Variants in ABL1 observed in about 807,000 individuals in gnomAD.
The protein encoded by ABL1 is tyrosine-protein kinase ABL1.
A neutral mutation model predicts 94.7 loss-of-function variants in ABL1; 11 were observed. The ratio of observed to expected loss-of-function variants is 0.12; its 90% CI spans 0.07 to 0.19. The LOEUF (loss-of-function observed/expected upper bound fraction) is 0.19, where lower values mean the gene tolerates loss of function less well. Among genes scored for constraint, ABL1 ranks in the 10% least tolerant of loss-of-function variants. ABL1 has a pLI of 1.00. For synonymous variants in ABL1, 656 were observed against 622.4 expected (o/e 1.05, Z -0.80); for missense variants, 1,082 against 1,489.4 (o/e 0.73, Z 4.50).
intron 1 of ABL1, among the ~76,000 whole-genome samples, chr9:130,853,652 T>TG (rs1428843129): frequency 6.6e-6 from 1 of 151,662 alleles, no homozygotes. Flanking sequence ...TGAACTCAGG[T>TG]GATCCACCCA....
chr9:130,738,044 C>T (rs1831767845), intron 1 of ABL1, among the ~76,000 whole-genome samples: 3 of 152,042 alleles, frequency 2.0e-5, no homozygotes, highest in Non-Finnish European at 4.4e-5. Flanking sequence ...ATTGGTTAGG[C>T]TGGTCTCAAA....
chr9:130,714,729 G>A (rs1831415986), intron 1 of ABL1, among the ~76,000 whole-genome samples: 1 of 152,126 alleles, frequency 6.6e-6, no homozygotes, highest in Non-Finnish European at 1.5e-5. Flanking sequence ...ACTGTTCCAG[G>A]GCTTTAGTTT....
chr9:130,854,531 C>G (rs1588269063), intron 2 of ABL1, among the ~76,000 whole-genome samples: 1 of 152,032 alleles, frequency 6.6e-6, no homozygotes, highest in African/African-American at 2.4e-5. Context: ...CCTAAAATGT[C>G]TTATATTAGG....
intron 1 of ABL1, among the ~76,000 whole-genome samples, chr9:130,715,857 A>T (rs1003344340): frequency 6.6e-6 from 1 of 152,104 alleles, no homozygotes; most frequent in African/African-American, 2.4e-5. Flanking sequence ...TTTTCTTGTT[A>T]ATAGAGTACC....
chr9:130,753,773 G>A (rs558204777), intron 1 of ABL1, among the ~76,000 whole-genome samples: 5 of 151,870 alleles, frequency 3.3e-5, no homozygotes, highest in East Asian at 1.9e-4. Context: ...TCATAACCCC[G>A]GCACCTAGTA....
rs1360634829 is a variant in ABL1 at position 130,814,863 on chromosome 9, C to T, written c.137-39201C>T. Among the ~76,000 whole-genome samples the T allele has an allele frequency of 6.6e-6, 1 of 150,438 alleles. No individual in the cohort carries two copies. The highest frequency in any genetic ancestry group is 2.5e-5 in the African/African-American group (1 of 40,648). On this transcript the variant is annotated intron_variant, in intron 1 of 10. Coordinates refer to the ABL1 transcript ENST00000372348. The surrounding 1 kb of genome is among the most constrained non-coding windows in gnomAD (Gnocchi z 4.4). ...CTGCACTCCAGCCTGGGTGACAGAG[C>T]CAGACTCTGTCTCAAAAAAATAAAA... is the stretch of plus-strand genomic sequence containing the variant.
chr9:130,768,356 T>C (rs1380215339), intron 1 of ABL1, among the ~76,000 whole-genome samples: 4 of 152,324 alleles, frequency 2.6e-5, no homozygotes, highest in South Asian at 4.1e-4. Context: ...TCAGAGCGTA[T>C]GGAAGACTGT....
chr9:130,798,768 A>G (rs1352910852), intron 1 of ABL1, among the ~76,000 whole-genome samples: 1 of 151,940 alleles, frequency 6.6e-6, no homozygotes, highest in Non-Finnish European at 1.5e-5. Context: ...GGAGTTTGAG[A>G]CCAACCTGGC....
intron 1 of ABL1, among the ~76,000 whole-genome samples, chr9:130,796,680 C>T (rs1829977140): frequency 6.6e-6 from 1 of 151,856 alleles, no homozygotes; most frequent in Admixed American, 6.6e-5. Context: ...TTGACTATGA[C>T]ATAGTCTGCT....
Position 130,792,749 on chromosome 9 carries a change from A to C in ABL1, c.137-61315A>C, listed in dbSNP as rs76197066. 3.3e-3 allele frequency among the ~76,000 whole-genome samples: 497 copies of C among 152,268 alleles called. 4 individuals carry two copies. Among genetic ancestry groups the C allele is most frequent in the African/African-American group, 0.011 (465 of 41,550 alleles). ...CTTTGAGATGACAGATGTTGTCCCT[A>C]CTGTAGAGCTAAGATCCTCAGAGAG... On this transcript the variant is annotated intron_variant, in intron 1 of 10. Coordinates refer to the ABL1 transcript ENST00000372348.
At chr9:130,834,699 G>A (rs1830536452), upstream of ABL1, among the ~76,000 whole-genome samples, 1 of 152,132 alleles carries the variant, frequency 6.6e-6, no homozygotes, top group Non-Finnish European at 1.5e-5. Context: ...TCATATCCTG[G>A]TCTGGATGTG....
At chr9:130,849,879 A>G (rs892787111) in intron 1 of ABL1, among the ~76,000 whole-genome samples, 1 of 152,006 alleles carries the variant, frequency 6.6e-6, no homozygotes, top group Admixed American at 6.6e-5. Context: ...TTTTTTCCAT[A>G]GTGGAGGGAT....
chr9:130,797,922 C>CTGTG (rs1337985308), intron 1 of ABL1, among the ~76,000 whole-genome samples: 1 of 152,170 alleles, frequency 6.6e-6, no homozygotes, highest in Non-Finnish European at 1.5e-5. Flanking sequence ...CATCAAGAGA[C>CTGTG]TGTGCCCCAT....
At chr9:130,730,401 T>A (rs1831649439) in intron 1 of ABL1, among the ~76,000 whole-genome samples, 1 of 152,136 alleles carries the variant, frequency 6.6e-6, no homozygotes. Context: ...TCTCCCAGCC[T>A]TAATTTGCTC....
intron 10 of ABL1, among the ~76,000 whole-genome samples, chr9:130,881,882 AAAAAAC>A (rs1247866989): frequency 2.7e-4 from 41 of 150,084 alleles, no homozygotes; most frequent in African/African-American, 9.5e-4. Context: ...ATTAGTAAAA[AAAAAAC>A]AAAAAAAAAC....
At chr9:130,799,726 A>G (rs1326402132) in intron 1 of ABL1, among the ~76,000 whole-genome samples, 1 of 152,210 alleles carries the variant, frequency 6.6e-6, no homozygotes, top group East Asian at 1.9e-4. Context: ...TAAGTACCAT[A>G]TAATTGAAAT....
At chr9:130,866,422 A>G (rs188728374) in intron 4 of ABL1, among the ~76,000 whole-genome samples, 18 of 152,246 alleles carry the variant, frequency 1.2e-4, no homozygotes, top group African/African-American at 3.9e-4. Context: ...CTTCCTCTTC[A>G]AAACCCTTGA....
chr9:130,776,844 G>A (rs906555105), intron 1 of ABL1, among the ~76,000 whole-genome samples: 9 of 152,050 alleles, frequency 5.9e-5, no homozygotes, highest in East Asian at 1.9e-4. Context: ...CTTCTGTCGC[G>A]GCCTCCCAGA....
chr9:130,732,734 G>A (rs2855183), intron 1 of ABL1, among the ~76,000 whole-genome samples: 1 of 151,276 alleles, frequency 6.6e-6, no homozygotes, highest in Non-Finnish European at 1.5e-5. Context: ...TGGATCCCAC[G>A]CATTTTAGGA....
Sources: allele counts gnomAD v4.1 joint callset (sites outside exome capture counted in the v4.1 genomes callset), GRCh38; gene constraint gnomAD v4.1.1; non-coding constraint Gnocchi (gnomAD v3.1); transcripts MANE v1.5; gene names NCBI Gene and HGNC (gene_info 2026-07-23, HGNC 2026-07-21).